Variants in CFAP206 observed in about 807,000 individuals in gnomAD.
The protein encoded by CFAP206 is cilia- and flagella-associated protein 206.
In CFAP206, 53 loss-of-function variants were observed where a neutral mutation model predicts 65.4. That is an observed-to-expected ratio of 0.81 (90% CI 0.65 to 1.02). The LOEUF (loss-of-function observed/expected upper bound fraction) is 1.02. CFAP206 is among the 50% of genes least tolerant of loss of function. The probability of loss-of-function intolerance (pLI) is 0.00; values close to 1 mark genes in which losing one functional copy is unlikely to be tolerated. For missense variants in CFAP206, 663 were observed against 753.2 expected, an observed-to-expected ratio of 0.88 and a Z score of 1.40; for synonymous variants, 250 against 254.4, an observed-to-expected ratio of 0.98 and a Z score of 0.17.
chr6:87,422,520 G>A (rs1004757780), intron 7 of CFAP206, among the ~76,000 whole-genome samples: 9 of 151,210 alleles, frequency 6.0e-5, no homozygotes, highest in Admixed American at 2.0e-4. Flanking sequence ...GGGAGGCCGA[G>A]GCAGGTTGAT....
intron 11 of CFAP206, among the ~76,000 whole-genome samples, chr6:87,458,508 T>C (rs1384280140): frequency 1.5e-5 from 2 of 137,898 alleles, no homozygotes; most frequent in Admixed American, 1.6e-4. Context: ...ATCCTGTCAT[T>C]TGCAAAAACG....
intron 7 of CFAP206, among the ~76,000 whole-genome samples, chr6:87,420,559 G>A (rs1430545026): frequency 6.6e-6 from 1 of 152,168 alleles, no homozygotes; most frequent in Non-Finnish European, 1.5e-5. Context: ...ACTTCCCTGT[G>A]CCTTGGTTTC....
chr6:87,445,476 G>C (rs892981413), intron 11 of CFAP206, among the ~76,000 whole-genome samples: 1 of 151,922 alleles, frequency 6.6e-6, no homozygotes, highest in Admixed American at 6.6e-5. Context: ...CTGTTCCTGC[G>C]TTAGTTTGTT....
chr6:87,463,915 G>A lies in CFAP206; in HGVS notation c.1639-105G>A, dbSNP rs865977884. 3 of 747,584 alleles carry A rather than the reference G, an allele frequency of 4.0e-6. No individual in the cohort carries two copies. The South Asian group carries it at 8.2e-5, about 21-fold the overall frequency. 46.3% of individuals were successfully genotyped at this position (747,584 alleles called of 1,614,324 possible). Reference sequence around the variant, plus strand: ...TGCTATGTTATGGAATTAATTTCTTGTGGATTGAAGACAAAAATAGGCAGA... The same window carrying A: ...TGCTATGTTATGGAATTAATTTCTTATGGATTGAAGACAAAAATAGGCAGA... On this transcript the variant is annotated intron_variant, in intron 12 of 12. Transcript: ENST00000369562.
At chr6:87,419,493 G>A (rs1767901902) in intron 7 of CFAP206, among the ~76,000 whole-genome samples, 1 of 152,186 alleles carries the variant, frequency 6.6e-6, no homozygotes, top group Non-Finnish European at 1.5e-5. Flanking sequence ...ACACTCTAGG[G>A]TTGTAAGAAA....
chr6:87,446,530 T>C (rs905120152), intron 11 of CFAP206, among the ~76,000 whole-genome samples: 2 of 152,150 alleles, frequency 1.3e-5, no homozygotes, highest in African/African-American at 4.8e-5. Flanking sequence ...ATTTCTGAGT[T>C]CTCTATTCTG....
intron 11 of CFAP206, chr6:87,445,164 A>T: frequency 3.5e-6 from 1 of 284,964 alleles, no homozygotes; most frequent in South Asian, 3.2e-5. Context: ...CTGCATTTTC[A>T]TCTCCCCTTT....
At chr6:87,432,244 G>A (rs573295169) in intron 10 of CFAP206, among the ~76,000 whole-genome samples, 14 of 152,126 alleles carry the variant, frequency 9.2e-5, no homozygotes, top group African/African-American at 3.1e-4. Context: ...ATACAGGCTA[G>A]AGAGAACACA....
Position 87,464,009 on chromosome 6 carries a change from T to C in CFAP206, c.1639-11T>C. On this transcript the variant is annotated splice_polypyrimidine_tract_variant and intron_variant, in intron 12 of 12. Coordinates refer to ENST00000369562, the MANE Select transcript of CFAP206 (RefSeq NM_001031743.3). ...GAGAAATGTTAATTCCTGTATTCTC[T>C]TTCTCTTTAGGCTAATTTGCGCCAG... The C allele has an allele frequency of 1.3e-6, 2 of 1,596,704 alleles. No homozygotes were observed. Among genetic ancestry groups the C allele is most frequent in the Non-Finnish European group, 8.6e-7 (1 of 1,166,214 alleles).
intron 11 of CFAP206, among the ~76,000 whole-genome samples, chr6:87,459,610 G>C (rs1018229338): frequency 6.6e-6 from 1 of 152,170 alleles, no homozygotes; most frequent in Admixed American, 6.5e-5. Flanking sequence ...ATATTCAAAT[G>C]AATGTGTAAA....
chr6:87,458,796 AATAACTGAAAGAGT>A (rs971463805), intron 11 of CFAP206, among the ~76,000 whole-genome samples: 2 of 152,146 alleles, frequency 1.3e-5, no homozygotes, highest in Non-Finnish European at 2.9e-5. Context: ...TACATTTCAG[AATAACTGAAAGAGT>A]ACAATTGGAA....
chr6:87,459,401 C>T (rs1172242894), intron 11 of CFAP206, among the ~76,000 whole-genome samples: 1 of 152,108 alleles, frequency 6.6e-6, no homozygotes, highest in East Asian at 1.9e-4. Context: ...TTTTAAAATA[C>T]TTGTTCTATA....
At chr6:87,453,217 G>C (rs1768574548) in intron 11 of CFAP206, among the ~76,000 whole-genome samples, 1 of 152,010 alleles carries the variant, frequency 6.6e-6, no homozygotes, top group South Asian at 2.1e-4. Flanking sequence ...TTTTATCCTA[G>C]AATGGTATAT....
chr6:87,425,283 C>G (rs1033515910), intron 7 of CFAP206, among the ~76,000 whole-genome samples: 3 of 152,056 alleles, frequency 2.0e-5, no homozygotes, highest in African/African-American at 7.2e-5. Flanking sequence ...TACAAAGAAC[C>G]GTATTTTTCT....
At chr6:87,428,594 T>C (rs765422738) in intron 8 of CFAP206, 32 bp from the exon 9 acceptor site, 5 of 1,565,744 alleles carry the variant, frequency 3.2e-6, no homozygotes, top group Non-Finnish European at 4.4e-6. Flanking sequence ...ATTACACAGT[T>C]GCATTTTGAA....
chr6:87,428,788 G>A lies in CFAP206; in HGVS notation c.1123G>A (p.Val375Met), dbSNP rs780543947. ...GCAATGTCATCTTAATGGAGCGACT[G>A]TGAAAACTGATGTGTGTAGAATGAA... ...VMQCHLNGAT[V>M]KTDVCRMKEH... Residue 375 changes from valine (V) to methionine (M), a missense_variant, in exon 9 of 13, where the codon GTG (valine) becomes ATG (methionine). Val to Met is a conservative substitution (Grantham distance 21). Coordinates refer to ENST00000369562, the MANE Select transcript of CFAP206 (RefSeq NM_001031743.3). 3.7e-6 allele frequency: 6 copies of A among 1,614,104 alleles called. No homozygotes were observed. The South Asian group carries it at 6.6e-5, about 18-fold the overall frequency.
At chr6:87,454,294 T>C (rs573009731) in intron 11 of CFAP206, among the ~76,000 whole-genome samples, 7 of 152,282 alleles carry the variant, frequency 4.6e-5, no homozygotes, top group African/African-American at 1.7e-4. Context: ...AGCTGGAGAC[T>C]TCAACATCCC....
intron 12 of CFAP206, among the ~76,000 whole-genome samples, 185 bp downstream of exon 12, chr6:87,461,350 A>T (rs978589754): frequency 7.2e-5 from 11 of 152,210 alleles, no homozygotes; most frequent in African/African-American, 2.7e-4. Context: ...AATTTTAAGC[A>T]TATATAGAAC....
At chr6:87,440,787 G>A (rs994269222) in intron 11 of CFAP206, among the ~76,000 whole-genome samples, 2 of 152,320 alleles carry the variant, frequency 1.3e-5, no homozygotes, top group Non-Finnish European at 2.9e-5. Flanking sequence ...AGCATCTAAT[G>A]AGGATGAAAG....
Sources: gnomAD v4.1 joint callset for allele counts (sites outside exome capture counted in the v4.1 genomes callset) on GRCh38, gnomAD v4.1.1 for gene constraint, MANE v1.5 for transcripts, NCBI Gene and HGNC (gene_info 2026-07-23, HGNC 2026-07-21) for gene names.